The following FSIP1 variants were observed in gnomAD, a reference collection of about 807,000 sequenced individuals.
The protein encoded by FSIP1 is fibrous sheath interacting protein 1, also known as fibrous sheath-interacting protein 1.
FSIP1 carries 65 observed loss-of-function variants against 60.9 expected under a neutral mutation model. The ratio of observed to expected loss-of-function variants is 1.07; its 90% CI spans 0.87 to 1.31. The LOEUF is 1.31. FSIP1 is among the 40% of genes most tolerant of loss of function. FSIP1 has a pLI of 0.00. For missense variants in FSIP1, 675 were observed against 665.5 expected (o/e 1.01, Z -0.16); for synonymous variants, 209 against 221.2 (o/e 0.94, Z 0.49).
At chr15:39,632,470 C>T (rs1441870425) in intron 10 of FSIP1, among the ~76,000 whole-genome samples, 3 of 152,116 alleles carry the variant, frequency 2.0e-5, no homozygotes, top group South Asian at 2.1e-4. Flanking sequence ...TGAGCCACTG[C>T]GCCCGGCAAC....
At chr15:39,714,443 A>G (rs1468569779) in intron 9 of FSIP1, among the ~76,000 whole-genome samples, 1 of 151,054 alleles carries the variant, frequency 6.6e-6, no homozygotes, top group African/African-American at 2.4e-5. Flanking sequence ...CACTCAAGCC[A>G]TAATCCTGCT....
At chr15:39,612,329 A>G (rs996360876) in intron 11 of FSIP1, among the ~76,000 whole-genome samples, 16 of 152,208 alleles carry the variant, frequency 1.1e-4, no homozygotes, top group African/African-American at 1.4e-4. Flanking sequence ...ATGAAACTAG[A>G]AATCTATAAC....
intron 5 of FSIP1, among the ~76,000 whole-genome samples, chr15:39,754,894 A>C (rs1223337907): frequency 2.0e-5 from 3 of 152,032 alleles, no homozygotes; most frequent in Non-Finnish European, 2.9e-5. Context: ...ATTTAGGAGG[A>C]CCACTTATGA....
chr15:39,666,625 AT>A (rs1213855934), intron 10 of FSIP1, among the ~76,000 whole-genome samples: 2 of 152,184 alleles, frequency 1.3e-5, no homozygotes, highest in African/African-American at 2.4e-5. Flanking sequence ...AAATTTTTTA[AT>A]TTTTCAAACT....
chr15:39,739,855 TA>T, intron 6 of FSIP1, 66 bp from the exon 7 acceptor site: 1 of 973,170 alleles, frequency 1.0e-6, no homozygotes, highest in East Asian at 2.8e-5. Context: ...AAGTTCACTT[TA>T]AGCATATATT....
At chr15:39,741,145 T>G (rs539128228) in intron 6 of FSIP1, among the ~76,000 whole-genome samples, 2 of 152,350 alleles carry the variant, frequency 1.3e-5, no homozygotes, top group South Asian at 2.1e-4. Flanking sequence ...AGTTGAAGTT[T>G]CATATACTCT....
chr15:39,618,358 T>TA, intron 10 of FSIP1, 113 bp from the exon 11 acceptor site: 1 of 769,328 alleles, frequency 1.3e-6, no homozygotes, highest in Non-Finnish European at 2.1e-6. Flanking sequence ...ACACAACACA[T>TA]AAAAATAGAA....
At chr15:39,628,395 G>A (rs1231163149) in intron 10 of FSIP1, among the ~76,000 whole-genome samples, 2 of 152,190 alleles carry the variant, frequency 1.3e-5, no homozygotes, top group African/African-American at 2.4e-5. Flanking sequence ...TGTCCACTGC[G>A]AAGACGTAGG....
intron 5 of FSIP1, among the ~76,000 whole-genome samples, chr15:39,762,691 C>A (rs978301495): frequency 6.6e-6 from 1 of 152,162 alleles, no homozygotes; most frequent in Non-Finnish European, 1.5e-5. Context: ...CTAAGGGAAG[C>A]AGAAACTGCC....
Position 39,749,263 on chromosome 15 carries a change from C to CAAAAAAAAAAAAAAAAAAAAAAAA in FSIP1, c.560-7364_560-7363insTTTTTTTTTTTTTTTTTTTTTTTT, listed in dbSNP as rs3065148. ...AATACCAATACTTCTTAAACTCTTCCAAAAAAAAAAAAACCAGGCTAGAGG... is the reference window on the plus strand; with the variant it reads ...AATACCAATACTTCTTAAACTCTTCCAAAAAAAAAAAAAAAAAAAAAAAAAAAAAAAAAAAAACCAGGCTAGAGG... On this transcript the variant is annotated intron_variant, in intron 5 of 11. Transcript: ENST00000350221. 1.8e-3 allele frequency among the ~76,000 whole-genome samples: 179 copies of CAAAAAAAAAAAAAAAAAAAAAAAA among 98,214 alleles called. 15 individuals carry two copies. The highest frequency in any genetic ancestry group is 6.2e-3 in the African/African-American group (133 of 21,412). 64.4% of individuals were successfully genotyped at this position (98,214 alleles called of 152,430 possible). A position where few individuals can be genotyped will look rare whatever the true frequency, so the allele number is the denominator to read the frequency against.
chr15:39,697,286 T>C (rs1190612835), intron 10 of FSIP1, among the ~76,000 whole-genome samples: 1 of 152,208 alleles, frequency 6.6e-6, no homozygotes, highest in Non-Finnish European at 1.5e-5. Flanking sequence ...AAACTTGCTG[T>C]GTGTCCACAG....
chr15:39,744,777 T>TCACACACACACACACA (rs55691651), intron 5 of FSIP1, among the ~76,000 whole-genome samples: 2,381 of 137,988 alleles, frequency 0.017, 97 homozygotes, highest in Admixed American at 0.093. Flanking sequence ...TCCCCCTCAG[T>TCACACACACACACACA]CACACACACA....
At chr15:39,738,322 AT>A in intron 7 of FSIP1, 121 bp from the exon 8 acceptor site, 1 of 583,378 alleles carries the variant, frequency 1.7e-6, no homozygotes, top group Non-Finnish European at 2.9e-6. Context: ...AAGATTAGGC[AT>A]TTTACATTTT....
chr15:39,756,058 A>C (rs972606326), intron 5 of FSIP1, among the ~76,000 whole-genome samples: 1 of 152,132 alleles, frequency 6.6e-6, no homozygotes, highest in Non-Finnish European at 1.5e-5. Flanking sequence ...AGAGATCTCT[A>C]GCAAGTACAA....
chr15:39,619,065 T>C (rs141722553), intron 10 of FSIP1, among the ~76,000 whole-genome samples: 66 of 152,302 alleles, frequency 4.3e-4, no homozygotes, highest in Non-Finnish European at 5.9e-5. Flanking sequence ...GAAGTCCCCA[T>C]AAGAAAACTT....
chr15:39,625,199 C>T (rs528491853), intron 10 of FSIP1, among the ~76,000 whole-genome samples: 2 of 152,276 alleles, frequency 1.3e-5, no homozygotes, highest in Admixed American at 1.3e-4. Flanking sequence ...TCTGTGATGG[C>T]TCGTCTCCCG....
intron 10 of FSIP1, among the ~76,000 whole-genome samples, chr15:39,690,807 G>A (rs1894567618): frequency 6.6e-6 from 1 of 152,168 alleles, no homozygotes; most frequent in Admixed American, 6.5e-5. Context: ...CACTGTCAAA[G>A]GATCGATACT....
At chr15:39,777,628 G>A (rs1026101415) in intron 1 of FSIP1, among the ~76,000 whole-genome samples, 2 of 152,218 alleles carry the variant, frequency 1.3e-5, no homozygotes, top group African/African-American at 4.8e-5. Flanking sequence ...CTGTGTGGCT[G>A]ACTAAGACCA....
chr15:39,701,387 T>C (rs989446297), intron 10 of FSIP1, among the ~76,000 whole-genome samples: 15 of 152,358 alleles, frequency 9.8e-5, no homozygotes, highest in African/African-American at 3.6e-4. Flanking sequence ...GATTATAATG[T>C]ATCTCTTTTT....
Sources: allele counts gnomAD v4.1 joint callset (sites outside exome capture counted in the v4.1 genomes callset), GRCh38; gene constraint gnomAD v4.1.1; transcripts MANE v1.5; gene names NCBI Gene and HGNC (gene_info 2026-07-23, HGNC 2026-07-21).